NBEA: variants seen among roughly 807,000 people sequenced by gnomAD.
NBEA encodes lysosomal-trafficking regulator 2.
In NBEA, 44 loss-of-function variants were observed where a neutral mutation model predicts 343.4. The ratio of observed to expected loss-of-function variants is 0.13; its 90% confidence interval spans 0.10 to 0.16. The LOEUF is 0.16. Ranked by LOEUF, NBEA falls within the 10% of genes least tolerant of loss-of-function variation. NBEA has a pLI of 1.00. For synonymous variants in NBEA, 1,175 were observed against 1,238.7 expected (o/e 0.95, Z 1.08); for missense variants, 2,555 against 3,631.3 (o/e 0.70, Z 7.62).
At chr13:35,272,488 C>A (rs1199367016) in intron 34 of NBEA, among the ~76,000 whole-genome samples, 1 of 152,138 alleles carries the variant, frequency 6.6e-6, no homozygotes, top group East Asian at 1.9e-4. Flanking sequence ...ATGACAGGAT[C>A]AAATTCACAC....
chr13:35,213,220 GAC>G (rs1224774334), intron 33 of NBEA, among the ~76,000 whole-genome samples: 1 of 151,986 alleles, frequency 6.6e-6, no homozygotes, highest in Non-Finnish European at 1.5e-5. Context: ...TTATTTGAAA[GAC>G]ACTTCTTTTC....
At chr13:35,591,633 A>G (rs1423374915) in intron 46 of NBEA, among the ~76,000 whole-genome samples, 1 of 152,024 alleles carries the variant, frequency 6.6e-6, no homozygotes, top group Non-Finnish European at 1.5e-5. Flanking sequence ...GTGGCAACAT[A>G]TTACAAGTTT....
At chr13:35,047,731 T>A (rs2062912927) in intron 4 of NBEA, among the ~76,000 whole-genome samples, 1 of 151,248 alleles carries the variant, frequency 6.6e-6, no homozygotes, top group Admixed American at 6.6e-5. Flanking sequence ...TAAATTTTAT[T>A]CTGAATGCAG....
intron 34 of NBEA, among the ~76,000 whole-genome samples, chr13:35,279,737 T>C (rs1453891527): frequency 6.6e-6 from 1 of 152,140 alleles, no homozygotes; most frequent in African/African-American, 2.4e-5. Context: ...CAGTCTTCAG[T>C]CTGTCCTTCT....
chr13:35,217,543 G>A (rs1303651860), intron 33 of NBEA, among the ~76,000 whole-genome samples: 1 of 152,022 alleles, frequency 6.6e-6, no homozygotes, highest in African/African-American at 2.4e-5. Flanking sequence ...GCTGATGTCT[G>A]TGTAAGGTGT....
rs562560439 is a variant in NBEA at position 34,947,264 on chromosome 13, T to G, written c.294+4150T>G. Among the ~76,000 whole-genome samples, 7 of 152,236 alleles carry G rather than the reference T, an allele frequency of 4.6e-5. No homozygotes were observed. In the South Asian group the frequency reaches 1.5e-3, roughly 32 times the overall value. ...CACATAATGACACTAAGGCAGCAAATATTCTGTGGTCAGTCAACGATCAAG... is the reference window on the plus strand; with the variant it reads ...CACATAATGACACTAAGGCAGCAAAGATTCTGTGGTCAGTCAACGATCAAG... On this transcript the variant is annotated intron_variant, in intron 1 of 58. Coordinates refer to ENST00000379939, the MANE Select transcript of NBEA (RefSeq NM_001385012.1).
intron 1 of NBEA, among the ~76,000 whole-genome samples, chr13:35,033,389 G>C (rs934199388): frequency 6.6e-6 from 1 of 151,900 alleles, no homozygotes; most frequent in Non-Finnish European, 1.5e-5. Flanking sequence ...CCAGTACCAT[G>C]CTGTTTTGGT....
At chr13:35,208,887 C>T in intron 32 of NBEA, 33 bp downstream of exon 32, 7 of 1,404,820 alleles carry the variant, frequency 5.0e-6, no homozygotes, top group Non-Finnish European at 6.7e-6. Context: ...TGATACTCAT[C>T]TTTTTATGTT....
At chr13:35,659,111 G>C (rs538459419) in intron 55 of NBEA, among the ~76,000 whole-genome samples, 4 of 152,182 alleles carry the variant, frequency 2.6e-5, no homozygotes, top group African/African-American at 9.7e-5. Flanking sequence ...CAGAAAGCTA[G>C]TTATGTCTAA....
intron 44 of NBEA, among the ~76,000 whole-genome samples, chr13:35,563,656 C>G (rs905535732): frequency 2.6e-5 from 4 of 151,356 alleles, no homozygotes; most frequent in Non-Finnish European, 5.9e-5. Flanking sequence ...TAAAATAATG[C>G]TATAAATCTC....
In NBEA at chr13:35,161,976, A is replaced by G; in HGVS notation, c.4079+9A>G. 2 of 1,531,476 alleles carry G rather than the reference A, an allele frequency of 1.3e-6. No individual in the cohort carries two copies. The highest frequency in any genetic ancestry group is 1.8e-6 in the Non-Finnish European group (2 of 1,134,960). The allele number at this position is 1,531,476 out of a possible 1,614,324, so 94.9% of individuals were successfully genotyped here. A position where few individuals can be genotyped will look rare whatever the true frequency, so the allele number is the denominator to read the frequency against. On this transcript the variant is annotated intron_variant, in intron 23 of 58. Transcript: ENST00000379939. ...GTACATGTTTGGAGGAGGTAGAAAT[A>G]TTTCTTTTTTATAAATTAAAAGCAA... is the stretch of plus-strand genomic sequence containing the variant.
In NBEA at chr13:35,142,261, C is replaced by T; in HGVS notation, c.2337-8C>T. The T allele has an allele frequency of 6.3e-7, 1 of 1,586,672 alleles. No homozygotes were observed. Among genetic ancestry groups the T allele is most frequent in the Non-Finnish European group, 8.6e-7 (1 of 1,158,486 alleles). ...TCATGGTGTTTTATTTTTCCTCCTT[C>T]TCTCCAGGAGAAAAGTTGAAATTAT... On this transcript the variant is annotated splice_region_variant and splice_polypyrimidine_tract_variant and intron_variant, in intron 17 of 58. Transcript: ENST00000379939.
chr13:35,436,623 TG>T (rs1176251109), intron 39 of NBEA, among the ~76,000 whole-genome samples: 1 of 147,434 alleles, frequency 6.8e-6, no homozygotes, highest in African/African-American at 2.5e-5. Flanking sequence ...GGCAGGAGAA[TG>T]GCATGAGCCC....
chr13:35,363,167 A>G (rs1002749542), intron 38 of NBEA, among the ~76,000 whole-genome samples: 3 of 152,030 alleles, frequency 2.0e-5, no homozygotes, highest in African/African-American at 7.2e-5. Context: ...AAAATGTAAT[A>G]CCAGTTATTT....
intron 41 of NBEA, among the ~76,000 whole-genome samples, chr13:35,544,221 C>T (rs1166552221): frequency 6.6e-6 from 1 of 152,132 alleles, no homozygotes; most frequent in African/African-American, 2.4e-5. Context: ...TTTGCCCAGC[C>T]TTCTGCAGCA....
At position 35,105,699 on chromosome 13, in the gene NBEA, C is replaced by T. The variant is rs185044343; in HGVS notation, c.1681-3591C>T. Among the ~76,000 whole-genome samples the T allele has an allele frequency of 2.2e-3, 337 of 152,076 alleles. 3 individuals carry two copies. The highest frequency in any genetic ancestry group is 2.6e-3 in the Non-Finnish European group (177 of 67,946). ...TGATCATTGCCTGCCACCCTCCCCT[C>T]CACTCCCTACCAAAACAACAACACA... On this transcript the variant is annotated intron_variant, in intron 11 of 58. Coordinates refer to ENST00000379939, the MANE Select transcript of NBEA (RefSeq NM_001385012.1).
At chr13:35,633,263 C>T (rs1593423453) in intron 49 of NBEA, among the ~76,000 whole-genome samples, 2 of 151,322 alleles carry the variant, frequency 1.3e-5, no homozygotes, top group African/African-American at 4.8e-5. Flanking sequence ...CTGCCACGCC[C>T]GGCTAATTTT....
intron 14 of NBEA, 115 bp downstream of exon 14, chr13:35,117,608 A>C (rs1394018559): frequency 2.6e-6 from 1 of 389,940 alleles, no homozygotes. Flanking sequence ...AATTGCTTTC[A>C]AAATTCTCCA....
chr13:35,121,843 C>A (rs1018381585), intron 16 of NBEA, among the ~76,000 whole-genome samples: 1 of 152,038 alleles, frequency 6.6e-6, no homozygotes, highest in African/African-American at 2.4e-5. Flanking sequence ...ACTAGATTCT[C>A]TTGTTCAGCT....
Sources: allele counts gnomAD v4.1 joint callset (sites outside exome capture counted in the v4.1 genomes callset), GRCh38; gene constraint gnomAD v4.1.1; transcripts MANE v1.5; gene names NCBI Gene and HGNC (gene_info 2026-07-23, HGNC 2026-07-21).